NSD2: variants seen among roughly 807,000 people sequenced by gnomAD.
The protein encoded by NSD2 is histone-lysine N-methyltransferase NSD2.
In NSD2, 12 loss-of-function variants were observed where a neutral mutation model predicts 139.0. That is an observed-to-expected ratio of 0.09 (90% CI 0.06 to 0.14). The LOEUF is 0.14. NSD2 is among the 10% of genes least tolerant of loss of function. The probability of loss-of-function intolerance (pLI) is 1.00; values close to 1 mark genes in which losing one functional copy is unlikely to be tolerated. For synonymous variants in NSD2, 669 were observed against 648.7 expected (o/e 1.03, Z -0.48); for missense variants, 1,155 against 1,745.0 (o/e 0.66, Z 6.02).
chr4:1,971,409 G>A (rs532808382), intron 18 of NSD2, among the ~76,000 whole-genome samples: 2 of 152,164 alleles, frequency 1.3e-5, no homozygotes, highest in South Asian at 2.1e-4. Context: ...TACAGCTGAC[G>A]GTGAGTTCAC....
rs1012765036 is a variant in NSD2, at chr4:1,872,607, A to T, written c.-30+1065A>T. ...GTGTGTGTGTGAGAGAGAGAGAGAG[A>T]GAGAGAGAGAGAGAGAGAGAGAGAG... On this transcript the variant is annotated intron_variant, in intron 1 of 21. Coordinates refer to ENST00000508803, the MANE Select transcript of NSD2 (RefSeq NM_001042424.3). Among the ~76,000 whole-genome samples the T allele has an allele frequency of 2.7e-3, 362 of 135,212 alleles. 3 individuals are homozygous for T. The highest frequency in any genetic ancestry group is 8.2e-3 in the African/African-American group (300 of 36,392). The allele number at this position is 135,212 out of a possible 152,430, so 88.7% of individuals were successfully genotyped here. A position where few individuals can be genotyped will look rare whatever the true frequency, so the allele number is the denominator to read the frequency against.
At chr4:1,947,084 T>C in intron 9 of NSD2, 1 of 1,064,338 alleles carries the variant, frequency 9.4e-7, no homozygotes, top group Non-Finnish European at 1.1e-6. Flanking sequence ...AGCAGGTGTA[T>C]TGTGGGCAGT....
At chr4:1,932,056 T>C (rs1236637935) in intron 6 of NSD2, among the ~76,000 whole-genome samples, 1 of 152,180 alleles carries the variant, frequency 6.6e-6, no homozygotes, top group African/African-American at 2.4e-5. Context: ...GGGTGTCCTT[T>C]AATCCTGACT....
chr4:1,935,016 G>C (rs1479267606), intron 6 of NSD2, 128 bp from the exon 7 acceptor site: 1 of 533,172 alleles, frequency 1.9e-6, no homozygotes, highest in African/African-American at 2.0e-5. Context: ...CTGGAAATCA[G>C]CAGGGTTACA....
intron 9 of NSD2, chr4:1,943,077 C>T (rs1577505542): frequency 2.0e-5 from 21 of 1,049,752 alleles, no homozygotes; most frequent in Non-Finnish European, 2.3e-5. Flanking sequence ...ACACCAACCT[C>T]TGCATCAGTT....
rs772810274 is a variant in NSD2 at position 1,978,876 on chromosome 4, G to C, written c.4065G>C (p.Arg1355=). 2 of 1,589,158 alleles carry C rather than the reference G, an allele frequency of 1.3e-6. No homozygotes were observed. The highest frequency in any genetic ancestry group is 2.3e-5 in the South Asian group (2 of 88,628). Residue 1355 remains arginine (R), a synonymous_variant, in exon 22 of 22, where the codon CGG becomes CGC. Coordinates refer to ENST00000508803, the MANE Select transcript of NSD2 (RefSeq NM_001042424.3). The part of the protein sequence containing the change: ...PGKPKGKRRR[R]RGWRRVTEGK ...AGCCGAAGGGGAAGAGGCGGCGGCGGAGGGGCTGGCGGAGAGTCACAGAGG... is the reference window on the plus strand; with the variant it reads ...AGCCGAAGGGGAAGAGGCGGCGGCGCAGGGGCTGGCGGAGAGTCACAGAGG...
chr4:1,912,805 G>T (rs1357855259), intron 3 of NSD2, among the ~76,000 whole-genome samples: 3 of 151,858 alleles, frequency 2.0e-5, no homozygotes, highest in Non-Finnish European at 2.9e-5. Flanking sequence ...GCTTGATTCT[G>T]GTTTGCTAGC....
At chr4:1,975,898 T>C (rs1430082446) in intron 20 of NSD2, among the ~76,000 whole-genome samples, 1 of 152,258 alleles carries the variant, frequency 6.6e-6, no homozygotes, top group East Asian at 1.9e-4. Context: ...TGACCCTATT[T>C]CCAAATACAG....
intron 1 of NSD2, among the ~76,000 whole-genome samples, chr4:1,876,125 A>G (rs577029296): frequency 2.3e-4 from 34 of 150,826 alleles, no homozygotes; most frequent in Admixed American, 4.0e-4. Flanking sequence ...GAGGCAGGAG[A>G]ATGGTGTGAA....
chr4:1,967,386 T>C (rs1242246028), intron 18 of NSD2, among the ~76,000 whole-genome samples: 1 of 152,200 alleles, frequency 6.6e-6, no homozygotes, highest in Non-Finnish European at 1.5e-5. Context: ...GAGACCAGCC[T>C]GGCCAATATG....
rs1349550373 is a variant in NSD2 at position 1,976,811 on chromosome 4, C to CCCCTTG, written c.3826+134_3826+135insCTTGCC. 5.3e-6 allele frequency: 5 copies of CCCCTTG among 935,412 alleles called. No individual in the cohort carries two copies. In the Admixed American group the frequency reaches 8.5e-5, roughly 16 times the overall value. 57.9% of individuals were successfully genotyped at this position (935,412 alleles called of 1,614,324 possible). ...ACATCAGGCGCTCATGCAGCGAAGG[C>CCCCTTG]CCTGATCCAGGGTGGCAGAGCCTTT... On this transcript the variant is annotated intron_variant, in intron 21 of 21. Transcript: ENST00000508803. This position sits in a 1 kb window ranked among gnomAD's most constrained non-coding sequence, Gnocchi z 5.3.
chr4:1,929,273 G>A (rs1721340019), intron 5 of NSD2, among the ~76,000 whole-genome samples: 1 of 152,088 alleles, frequency 6.6e-6, no homozygotes, highest in Non-Finnish European at 1.5e-5. Flanking sequence ...TGTCTTGGGA[G>A]GAGGGGTTTG....
intron 1 of NSD2, chr4:1,893,960 T>G (rs1048744331): frequency 6.6e-6 from 1 of 152,246 alleles, no homozygotes; most frequent in African/African-American, 2.4e-5. Flanking sequence ...ACAGACAGTC[T>G]TGCTCTGTAG....
intron 7 of NSD2, 35 bp from the exon 8 acceptor site, chr4:1,938,389 TTTTTTTCTTTTCTTTTTTTTTTCTTTC>T: frequency 2.4e-6 from 3 of 1,268,534 alleles, no homozygotes; most frequent in East Asian, 2.9e-5. Flanking sequence ...TTTTTTTTCC[TTTTTTTCTTTTCTTTTTTTTTTCTTTC>T]TTTTTTTTTT....
chr4:1,962,996 G>A (rs939070121), intron 18 of NSD2, among the ~76,000 whole-genome samples: 8 of 152,174 alleles, frequency 5.3e-5, no homozygotes, highest in African/African-American at 1.9e-4. Context: ...TTCTCTAGGA[G>A]GTGGGCTCTG....
In NSD2 at chr4:1,955,867, G is replaced by T. The variant is rs767440358; in HGVS notation, c.2675+18G>T. 6.2e-7 allele frequency: 1 copy of T among 1,611,896 alleles called. No individual in the cohort carries two copies. The highest frequency in any genetic ancestry group is 1.3e-5 in the African/African-American group (1 of 74,886). On this transcript the variant is annotated intron_variant, in intron 14 of 21. Transcript: ENST00000508803. The surrounding 1 kb of genome is among the most constrained non-coding windows in gnomAD (Gnocchi z 4.7). ...AACTACAGGTGTGAGACATAGAATC[G>T]TATGCTTTTATGTCTTTTCTGTTCA...
intron 9 of NSD2, chr4:1,945,273 G>A (rs758956174): frequency 1.3e-5 from 14 of 1,066,444 alleles, no homozygotes; most frequent in Non-Finnish European, 1.6e-5. Flanking sequence ...TGTAGCTGGA[G>A]ACGTTAAGAG....
intron 18 of NSD2, among the ~76,000 whole-genome samples, chr4:1,971,669 C>T (rs1261063904): frequency 1.3e-5 from 2 of 152,068 alleles, no homozygotes; most frequent in African/African-American, 2.4e-5. Flanking sequence ...GAGGAGGGGA[C>T]CTGGGACCTG....
chr4:1,943,030 G>C, intron 9 of NSD2: 1 of 1,050,338 alleles, frequency 9.5e-7, no homozygotes, highest in African/African-American at 1.7e-5. Context: ...TTTGATCCAA[G>C]GCCCCGGACC....
Sources: allele counts gnomAD v4.1 joint callset (sites outside exome capture counted in the v4.1 genomes callset), GRCh38; gene constraint gnomAD v4.1.1; non-coding constraint Gnocchi (gnomAD v3.1); transcripts MANE v1.5; gene names NCBI Gene and HGNC (gene_info 2026-07-23, HGNC 2026-07-21).